Variants in CRMP1 observed in about 807,000 individuals in gnomAD.
CRMP1 encodes collapsin response mediator protein 1.
Under a neutral mutation model 68.3 loss-of-function variants are expected in CRMP1, and 19 were observed. The observed-to-expected ratio is 0.28, with a 90% CI of 0.19 to 0.41. The LOEUF (loss-of-function observed/expected upper bound fraction) is 0.41, where lower values mean the gene tolerates loss of function less well. Among genes scored for constraint, CRMP1 ranks in the 10% least tolerant of loss-of-function variants. The pLI is 1.00. For missense variants in CRMP1, 791 were observed against 967.4 expected (o/e 0.82, Z 2.42); for synonymous variants, 439 against 399.6 (o/e 1.10, Z -1.18).
Position 5,825,870 on chromosome 4 carries a change from C to T in CRMP1, c.1804-211G>A, listed in dbSNP as rs548705218. ...ATACACACAAGCATGCATACACACA[C>T]ATCTACATACCCACATGCATACACA... is the stretch of plus-strand genomic sequence containing the variant. On this transcript the variant is annotated intron_variant, in intron 12 of 13. Transcript: ENST00000324989. This position sits in a 1 kb window ranked among gnomAD's most constrained non-coding sequence, Gnocchi z 4.4. 2.4e-3 allele frequency: 1,310 copies of T among 539,694 alleles called. 3 individuals carry two copies. Among genetic ancestry groups the T allele is most frequent in the Middle Eastern group, 0.012 (26 of 2,160 alleles). 33.4% of individuals were successfully genotyped at this position (539,694 alleles called of 1,614,324 possible). A position where few individuals can be genotyped will look rare whatever the true frequency, so the allele number is the denominator to read the frequency against.
chr4:5,844,894 C>T (rs1475414532), intron 6 of CRMP1, among the ~76,000 whole-genome samples: 1 of 152,174 alleles, frequency 6.6e-6, no homozygotes, highest in Non-Finnish European at 1.5e-5. Context: ...AAAGGCTGAA[C>T]AAGAGTGGAG....
intron 2 of CRMP1, among the ~76,000 whole-genome samples, chr4:5,862,524 G>A (rs1362046089): frequency 6.6e-6 from 1 of 152,194 alleles, no homozygotes; most frequent in Non-Finnish European, 1.5e-5. Context: ...TAACTTAAAA[G>A]GAACAGCAAC....
At chr4:5,864,774 GA>G (rs1363103077) in intron 2 of CRMP1, among the ~76,000 whole-genome samples, 1 of 152,180 alleles carries the variant, frequency 6.6e-6, no homozygotes, top group African/African-American at 2.4e-5. Flanking sequence ...AGGGACAGGG[GA>G]AAAGGTGTTC....
At position 5,835,346 on chromosome 4, in the gene CRMP1, A is replaced by C. The variant is rs572314785; in HGVS notation, c.1623+569T>G. Among the ~76,000 whole-genome samples, 2 of 152,336 alleles carry C rather than the reference A, an allele frequency of 1.3e-5. 1 individual carries two copies. Among genetic ancestry groups the C allele is most frequent in the South Asian group, 4.1e-4 (2 of 4,828 alleles). ...CACAGTTGTCTTCTGCCATCTCTGC[A>C]TGCACCCTCTCTGTGCACGCATCTT... On this transcript the variant is annotated intron_variant, in intron 11 of 13. Coordinates refer to ENST00000324989, the MANE Select transcript of CRMP1 (RefSeq NM_001014809.3).
chr4:5,891,191 C>CACACAG lies in CRMP1; in HGVS notation c.381+1397_381+1398insCTGTGT, dbSNP rs1553910131. On this transcript the variant is annotated intron_variant, in intron 1 of 13. Coordinates refer to ENST00000324989, the MANE Select transcript of CRMP1 (RefSeq NM_001014809.3). The surrounding 1 kb of genome is among the most constrained non-coding windows in gnomAD (Gnocchi z 5.2). ...ACACACACATACACACACACACACA[C>CACACAG]ACACACACACACACACACACACCCT... Among the ~76,000 whole-genome samples the CACACAG allele has an allele frequency of 6.6e-6, 1 of 150,690 alleles. No individual in the cohort carries two copies. Among genetic ancestry groups the CACACAG allele is most frequent in the Non-Finnish European group, 1.5e-5 (1 of 67,622 alleles).
Position 5,825,882 on chromosome 4 carries a change from C to T in CRMP1, c.1804-223G>A, listed in dbSNP as rs1245060079. On this transcript the variant is annotated intron_variant, in intron 12 of 13. Transcript: ENST00000324989. The surrounding 1 kb of genome is among the most constrained non-coding windows in gnomAD (Gnocchi z 4.4). ...ATGCATACACACACATCTACATACC[C>T]ACATGCATACACATACAGACGCACA... 7 of 506,964 alleles carry T rather than the reference C, an allele frequency of 1.4e-5. No homozygotes were observed. Among genetic ancestry groups the T allele is most frequent in the Non-Finnish European group, 2.5e-5 (7 of 284,314 alleles). 31.4% of individuals were successfully genotyped at this position (506,964 alleles called of 1,614,324 possible). A position where few individuals can be genotyped will look rare whatever the true frequency, so the allele number is the denominator to read the frequency against.
At chr4:5,832,621 C>T (rs1161412766) in intron 11 of CRMP1, among the ~76,000 whole-genome samples, 1 of 152,140 alleles carries the variant, frequency 6.6e-6, no homozygotes, top group Non-Finnish European at 1.5e-5. Flanking sequence ...TTGCTTTGGA[C>T]AGAGAAAATG....
In CRMP1 at chr4:5,893,075, G is replaced by C. The variant is rs942952924; in HGVS notation, c.-106C>G. On this transcript the variant is annotated 5_prime_UTR_variant, in exon 1 of 14. Transcript: ENST00000324989. ...CCTCGGTGCGGGCCTGCGGCGGCCC[G>C]GGCGCGACTGCGGCCCAGGGAGGGG... The C allele has an allele frequency of 2.6e-5, 20 of 780,732 alleles. No homozygotes were observed. Among genetic ancestry groups the C allele is most frequent in the Non-Finnish European group, 2.9e-5 (19 of 644,598 alleles). 48.4% of individuals were successfully genotyped at this position (780,732 alleles called of 1,614,324 possible). A position where few individuals can be genotyped will look rare whatever the true frequency, so the allele number is the denominator to read the frequency against.
chr4:5,825,773 C>T lies in CRMP1; in HGVS notation c.1804-114G>A. 4.1e-6 allele frequency: 4 copies of T among 980,004 alleles called. No individual in the cohort carries two copies. Among genetic ancestry groups the T allele is most frequent in the South Asian group, 3.1e-5 (2 of 64,808 alleles). 60.7% of individuals were successfully genotyped at this position (980,004 alleles called of 1,614,324 possible). A position where few individuals can be genotyped will look rare whatever the true frequency, so the allele number is the denominator to read the frequency against. On this transcript the variant is annotated intron_variant, in intron 12 of 13. Transcript: ENST00000324989. This position sits in a 1 kb window ranked among gnomAD's most constrained non-coding sequence, Gnocchi z 4.4. ...GAAACCTGAGGTCACTTCAAATGTG[C>T]ATGCACACACACACACAACACGCAC...
chr4:5,892,995 G>A lies in CRMP1; in HGVS notation c.-26C>T. ...ACCCGTCCAAGGCCGGCCACCCACC[G>A]CGCTCCCGCCTGCCCGCCCGCGGCC... On this transcript the variant is annotated 5_prime_UTR_variant, in exon 1 of 14. Coordinates refer to ENST00000324989, the MANE Select transcript of CRMP1 (RefSeq NM_001014809.3). This position sits in a 1 kb window ranked among gnomAD's most constrained non-coding sequence, Gnocchi z 8.6. 3.5e-6 allele frequency: 4 copies of A among 1,158,916 alleles called. No homozygotes were observed. The highest frequency in any genetic ancestry group is 4.3e-6 in the Non-Finnish European group (4 of 941,114). 71.8% of individuals were successfully genotyped at this position (1,158,916 alleles called of 1,614,324 possible). A position where few individuals can be genotyped will look rare whatever the true frequency, so the allele number is the denominator to read the frequency against.
intron 1 of CRMP1, among the ~76,000 whole-genome samples, chr4:5,868,290 T>TATATATATATATATATCTATATATAG (rs1205965019): frequency 1.8e-4 from 24 of 131,366 alleles, no homozygotes; most frequent in Middle Eastern, 3.9e-3. Context: ...TATATATATA[T>TATATATATATATATATCTATATATAG]ATATATATAT....
chr4:5,856,241 G>C lies in CRMP1; in HGVS notation c.722C>G (p.Ala241Gly), dbSNP rs1486563126. ...LTSFEKWHEA[A>G]DTKSCCDYSL... ...GTAATCACAGCAGGATTTGGTGTCA[G>C]CTGCTTCGTGCCACTTCTCGAAAGA... Residue 241 changes from alanine (A) to glycine (G), a missense_variant, in exon 4 of 14, where the codon GCT (alanine) becomes GGT (glycine). Coordinates refer to ENST00000324989, the MANE Select transcript of CRMP1 (RefSeq NM_001014809.3). 1.2e-6 allele frequency: 2 copies of C among 1,614,000 alleles called. No individual in the cohort carries two copies. The highest frequency in any genetic ancestry group is 1.3e-5 in the African/African-American group (1 of 75,016).
Position 5,888,569 on chromosome 4 carries a change from G to A in CRMP1, c.381+4020C>T. 1 of 1,113,520 alleles carries A rather than the reference G, an allele frequency of 9.0e-7. No homozygotes were observed. Among genetic ancestry groups the A allele is most frequent in the Non-Finnish European group, 1.1e-6 (1 of 912,530 alleles). The allele number at this position is 1,113,520 out of a possible 1,614,324, so 69.0% of individuals were successfully genotyped here. ...CCTCCCGGCGGCGCGGAGCGAAGCC[G>A]GATTCGCCCCTCTCGGCTCGAACCA... On this transcript the variant is annotated intron_variant, in intron 1 of 13. Transcript: ENST00000324989. This position sits in a 1 kb window ranked among gnomAD's most constrained non-coding sequence, Gnocchi z 6.4.
chr4:5,889,483 A>T lies in CRMP1; in HGVS notation c.381+3106T>A. 7.4e-7 allele frequency: 1 copy of T among 1,356,342 alleles called. No individual in the cohort carries two copies. Among genetic ancestry groups the T allele is most frequent in the South Asian group, 1.3e-5 (1 of 77,712 alleles). 84.0% of individuals were successfully genotyped at this position (1,356,342 alleles called of 1,614,324 possible). On this transcript the variant is annotated intron_variant, in intron 1 of 13. Transcript: ENST00000324989. This position sits in a 1 kb window ranked among gnomAD's most constrained non-coding sequence, Gnocchi z 4.5. Reference sequence around the variant, plus strand: ...GATGTTGCTCCAGAGGGAGGTGGGCAGGAAGCCAGGTCACAGCTTGACAAG... The same window carrying T: ...GATGTTGCTCCAGAGGGAGGTGGGCTGGAAGCCAGGTCACAGCTTGACAAG...
Position 5,821,944 on chromosome 4 carries a change from TGG to T in CRMP1, c.1970-95_1970-94del. 4 of 963,882 alleles carry T rather than the reference TGG, an allele frequency of 4.1e-6. No homozygotes were observed. Among genetic ancestry groups the T allele is most frequent in the Non-Finnish European group, 4.4e-6 (3 of 687,840 alleles). The allele number at this position is 963,882 out of a possible 1,614,324, so 59.7% of individuals were successfully genotyped here. A position where few individuals can be genotyped will look rare whatever the true frequency, so the allele number is the denominator to read the frequency against. Reference sequence around the variant, plus strand: ...CCATGTACTCTGCCATGCACTCCACTGGACCCACCTTCATTCAGGGCTCAGTC... The same window carrying T: ...CCATGTACTCTGCCATGCACTCCACTACCCACCTTCATTCAGGGCTCAGTC... On this transcript the variant is annotated intron_variant, in intron 13 of 13. Coordinates refer to ENST00000324989, the MANE Select transcript of CRMP1 (RefSeq NM_001014809.3). This position sits in a 1 kb window ranked among gnomAD's most constrained non-coding sequence, Gnocchi z 4.4.
At chr4:5,828,433 A>C in intron 12 of CRMP1, 56 bp downstream of exon 12, 1 of 1,584,526 alleles carries the variant, frequency 6.3e-7, no homozygotes, top group Admixed American at 1.8e-5. Context: ...ATTCCCCAAG[A>C]GACGCTGTCG....
chr4:5,857,118 C>CATCATCACG (rs1713183845), intron 3 of CRMP1, among the ~76,000 whole-genome samples: 1 of 144,748 alleles, frequency 6.9e-6, no homozygotes, highest in Non-Finnish European at 1.5e-5. Flanking sequence ...CCACCACAAT[C>CATCATCACG]ATCACCATCA....
intron 11 of CRMP1, among the ~76,000 whole-genome samples, chr4:5,833,417 C>T (rs1364162905): frequency 4.6e-5 from 4 of 86,682 alleles, no homozygotes; most frequent in Non-Finnish European, 7.5e-5. Flanking sequence ...CCGCCCGCCT[C>T]GGCCTCCCAA....
At position 5,835,951 on chromosome 4, in the gene CRMP1, G is replaced by T. The variant is rs190668040; in HGVS notation, c.1587C>A (p.Asp529Glu). ...TTTTGGCTGTTATGGTCTTCAACTTGTCGGGGTCCCAGATGACCACGTCGG... is the reference window on the plus strand; with the variant it reads ...TTTTGGCTGTTATGGTCTTCAACTTTTCGGGGTCCCAGATGACCACGTCGG... The part of the protein sequence containing the change: ...SDADVVIWDP[D>E]KLKTITAKSH... The change falls in exon 11 of 14, where the codon GAC (aspartate) becomes GAA (glutamate). Residue 529 changes from aspartate to glutamate, a missense_variant. Physicochemically the swap from Asp to Glu is conservative, Grantham distance 45 (BLOSUM62 2). Transcript: ENST00000324989. The T allele has an allele frequency of 5.5e-5, 87 of 1,585,074 alleles. No homozygotes were observed. The highest frequency in any genetic ancestry group is 6.7e-5 in the Non-Finnish European group (78 of 1,166,164).
Sources: gnomAD v4.1 joint callset for allele counts (sites outside exome capture counted in the v4.1 genomes callset) on GRCh38, gnomAD v4.1.1 for gene constraint, Gnocchi (gnomAD v3.1) non-coding constraint, MANE v1.5 for transcripts, NCBI Gene and HGNC (gene_info 2026-07-23, HGNC 2026-07-21) for gene names.